Variants in POLR1E observed in about 807,000 individuals in gnomAD.
POLR1E encodes RNA polymerase I subunit E, also known as DNA-directed RNA polymerase I subunit RPA49.
In POLR1E, 37 loss-of-function variants were observed where a neutral mutation model predicts 50.9. That is an observed-to-expected ratio of 0.73 (90% confidence interval 0.56 to 0.96). The LOEUF (loss-of-function observed/expected upper bound fraction) is 0.96. Ranked by LOEUF, POLR1E falls within the 40% of genes least tolerant of loss-of-function variation. The pLI is 0.00. For synonymous variants in POLR1E, 166 were observed against 191.6 expected (o/e 0.87, Z 1.10); for missense variants, 426 against 518.1 (o/e 0.82, Z 1.73).
At chr9:37,501,010 T>C in intron 10 of POLR1E, 89 bp downstream of exon 10, 3 of 1,279,764 alleles carry the variant, frequency 2.3e-6, no homozygotes, top group Non-Finnish European at 3.3e-6. Context: ...CTCAATTCCA[T>C]GTCCACGGAG....
chr9:37,503,156 C>T lies in POLR1E; in HGVS notation c.1214C>T (p.Pro405Leu), dbSNP rs368583442. 6.2e-7 allele frequency: 1 copy of T among 1,613,338 alleles called. No homozygotes were observed. The highest frequency in any genetic ancestry group is 1.3e-5 in the African/African-American group (1 of 74,896). Reference protein sequence around the residue: ...KLGTLSLPLPPAQTSDRLAKR... With the variant: ...KLGTLSLPLPLAQTSDRLAKR... ...GGCACCCTGTCCCTCCCGCTGCCTC[C>T]AGCCCAGACCTCAGACCGCCTGGCA... is the stretch of plus-strand genomic sequence containing the variant. The change falls in exon 12 of 12, where the codon CCA (proline) becomes CTA (leucine). Residue 405 changes from proline to leucine, a missense_variant. Transcript: ENST00000377798.
At chr9:37,486,558 C>T (rs1460571185) in intron 1 of POLR1E, 145 bp from the exon 2 acceptor site, 2 of 1,596,456 alleles carry the variant, frequency 1.3e-6, no homozygotes, top group Non-Finnish European at 8.5e-7. Flanking sequence ...GGATCTCCTC[C>T]AGTTCCCTTT....
At chr9:37,496,405 G>A (rs1201633144) in intron 8 of POLR1E, among the ~76,000 whole-genome samples, 2 of 151,914 alleles carry the variant, frequency 1.3e-5, no homozygotes, top group East Asian at 1.9e-4. Context: ...TTAAAATATT[G>A]TATATTTTAA....
chr9:37,486,354 C>T, intron 1 of POLR1E: 1 of 1,440,586 alleles, frequency 6.9e-7, no homozygotes, highest in Non-Finnish European at 9.3e-7. Flanking sequence ...GTGTCCAGGA[C>T]CCTGCTGACC....
Position 37,501,711 on chromosome 9 carries a change from A to G in POLR1E, c.969-2A>G. The stretch of plus-strand genomic sequence containing the variant: ...TCTCCTTTATTGCCACTGATTTTCT[A>G]GATTACGGAACTTAATTTCGGATTC... On this transcript the variant is annotated splice_acceptor_variant, in intron 10 of 11. Coordinates refer to ENST00000377798, the MANE Select transcript of POLR1E (RefSeq NM_022490.4). LOFTEE classifies it high-confidence loss of function. 6.2e-7 allele frequency: 1 copy of G among 1,603,876 alleles called. No individual in the cohort carries two copies. Among genetic ancestry groups the G allele is most frequent in the Non-Finnish European group, 8.5e-7 (1 of 1,177,592 alleles).
At position 37,492,139 on chromosome 9, in the gene POLR1E, G is replaced by A; in HGVS notation, c.344-518G>A. 3 of 535,622 alleles carry A rather than the reference G, an allele frequency of 5.6e-6. No individual in the cohort carries two copies. In the South Asian group the frequency reaches 6.2e-5, roughly 11 times the overall value. The allele number at this position is 535,622 out of a possible 1,614,324, so 33.2% of individuals were successfully genotyped here. On this transcript the variant is annotated intron_variant, in intron 4 of 11. Coordinates refer to ENST00000377798, the MANE Select transcript of POLR1E (RefSeq NM_022490.4). The stretch of plus-strand genomic sequence containing the variant: ...ACAGAGGTTAGATGACCTTATCAGG[G>A]GTGATGGCTGAGATAACAGGCAAGG...
Position 37,492,704 on chromosome 9 carries a change from T to TA in POLR1E, c.392dup (p.Tyr131Ter), listed in dbSNP as rs1330017344. The TA allele has an allele frequency of 6.2e-7, 1 of 1,613,980 alleles. No homozygotes were observed. The highest frequency in any genetic ancestry group is 2.2e-5 in the East Asian group (1 of 44,888). The part of the protein sequence containing the change: ...ELALESQTKT[Y>*]REKMDSCIEA... ...GGCGCTAGAGAGTCAGACCAAAACT[T>TA]ACAGAGAAAAGGTGAGTGTGATAGA... Residue 131 changes from tyrosine (Y) to a stop codon, truncating the protein, a stop_gained and frameshift_variant, in exon 5 of 12, where the codon TAC (tyrosine) becomes TAAC (stop). Transcript: ENST00000377798. LOFTEE classifies it high-confidence loss of function.
intron 2 of POLR1E, among the ~76,000 whole-genome samples, chr9:37,487,127 T>G (rs1317064204): frequency 6.6e-6 from 1 of 152,244 alleles, no homozygotes; most frequent in Non-Finnish European, 1.5e-5. Context: ...ATTGACTTTT[T>G]GGGCCAATAA....
chr9:37,501,976 C>T (rs1352657919), intron 11 of POLR1E, 132 bp downstream of exon 11: 4 of 943,650 alleles, frequency 4.2e-6, no homozygotes, highest in African/African-American at 1.7e-5. Context: ...AACTAAAGGA[C>T]TATTTTCAAT....
rs112552905 is a variant in POLR1E at position 37,486,112 on chromosome 9, G to A, written c.65G>A (p.Arg22Lys). The change falls in exon 1 of 12, where the codon AGA becomes AAA. Residue 22 changes from arginine (R) to lysine (K), a missense_variant. Coordinates refer to ENST00000377798, the MANE Select transcript of POLR1E (RefSeq NM_022490.4). ...QYCGAPDGSQ[R>K]AVLVQFSNGK... is the part of the protein sequence containing the mutation. ...TGTGGGGCGCCCGACGGGAGCCAGA[G>A]AGCTGTACTGGGTAAAGACTGCGGA... 1,847 of 1,598,954 alleles carry A rather than the reference G, an allele frequency of 1.2e-3. 25 individuals carry two copies. The African/African-American group carries it at 0.022, about 19-fold the overall frequency.
intron 1 of POLR1E, 122 bp from the exon 2 acceptor site, chr9:37,486,581 G>A (rs749005980): frequency 1.2e-6 from 2 of 1,611,006 alleles, no homozygotes. Context: ...GTCAGGACCC[G>A]AGCTTCCTTG....
intron 11 of POLR1E, 102 bp from the exon 12 acceptor site, chr9:37,502,941 C>G (rs560332566): frequency 1.6e-6 from 2 of 1,267,100 alleles, no homozygotes; most frequent in Admixed American, 2.5e-5. Context: ...GGGATTCTGT[C>G]TTTATGGCCT....
intron 9 of POLR1E, 144 bp downstream of exon 9, chr9:37,498,368 T>C: frequency 1.1e-6 from 1 of 950,192 alleles, no homozygotes; most frequent in Non-Finnish European, 1.5e-6. Flanking sequence ...CTGGTACTGC[T>C]GACATGTCGA....
intron 4 of POLR1E, chr9:37,490,585 T>C: frequency 1.4e-6 from 1 of 711,872 alleles, no homozygotes; most frequent in Non-Finnish European, 2.6e-6. Context: ...TTCACCCGTT[T>C]CATGAAGCTT....
chr9:37,499,195 A>G (rs7850492), intron 9 of POLR1E, among the ~76,000 whole-genome samples: 3,503 of 152,304 alleles, frequency 0.023, 121 homozygotes, highest in African/African-American at 0.08. Context: ...TGAGAGGCCA[A>G]GGTGAGAGGA....
chr9:37,496,623 C>CTT (rs376455174), intron 8 of POLR1E, among the ~76,000 whole-genome samples: 1,545 of 112,330 alleles, frequency 0.014, 28 homozygotes, highest in African/African-American at 0.021. Flanking sequence ...ATTATTATTT[C>CTT]TTTTTTTTTT....
Position 37,501,850 on chromosome 9 carries a change from C to G in POLR1E, c.1100+6C>G. On this transcript the variant is annotated splice_donor_region_variant and intron_variant, in intron 11 of 11. Coordinates refer to ENST00000377798, the MANE Select transcript of POLR1E (RefSeq NM_022490.4). ...TTGAAGCTCAGTGAGAAAAGGTGAGCACAACAGAATAAAGAGCTCCCTGCA... is the reference window on the plus strand; with the variant it reads ...TTGAAGCTCAGTGAGAAAAGGTGAGGACAACAGAATAAAGAGCTCCCTGCA... 5 of 1,611,558 alleles carry G rather than the reference C, an allele frequency of 3.1e-6. No homozygotes were observed. The highest frequency in any genetic ancestry group is 4.2e-6 in the Non-Finnish European group (5 of 1,179,342).
intron 9 of POLR1E, 23 bp from the exon 10 acceptor site, chr9:37,500,817 T>C: frequency 6.3e-7 from 1 of 1,589,692 alleles, no homozygotes; most frequent in Non-Finnish European, 8.6e-7. Flanking sequence ...GAGAAAATGA[T>C]CAAACTCAAC....
At chr9:37,492,736 A>G in intron 5 of POLR1E, 21 bp downstream of exon 5, 1 of 1,611,146 alleles carries the variant, frequency 6.2e-7, no homozygotes, top group African/African-American at 1.3e-5. Context: ...TAGAATTAAG[A>G]TGTGGGACCT....
Sources: gnomAD v4.1 joint callset for allele counts (sites outside exome capture counted in the v4.1 genomes callset) on GRCh38, gnomAD v4.1.1 for gene constraint, MANE v1.5 for transcripts, NCBI Gene and HGNC (gene_info 2026-07-23, HGNC 2026-07-21) for gene names.